Variants in BLVRA observed in about 807,000 individuals in gnomAD.
The protein encoded by BLVRA is BVR A.
Under a neutral mutation model 32.8 loss-of-function variants are expected in BLVRA, and 22 were observed. That is an observed-to-expected ratio of 0.67 (90% CI 0.48 to 0.96). The LOEUF (loss-of-function observed/expected upper bound fraction) is 0.96, where lower values mean the gene tolerates loss of function less well. Ranked by LOEUF, BLVRA falls within the 40% of genes least tolerant of loss-of-function variation. The probability of loss-of-function intolerance (pLI) is 0.00; values close to 1 mark genes in which losing one functional copy is unlikely to be tolerated. For missense variants in BLVRA, 323 were observed against 358.1 expected (o/e 0.90, Z 0.79); for synonymous variants, 119 against 141.3 (o/e 0.84, Z 1.12).
chr7:43,780,976 A>G (rs1430769350), intron 2 of BLVRA, among the ~76,000 whole-genome samples: 1 of 152,158 alleles, frequency 6.6e-6, no homozygotes, highest in Non-Finnish European at 1.5e-5. Context: ...GCGAAACCCC[A>G]TCTCTACTAA....
chr7:43,775,912 T>G (rs1197093777), intron 2 of BLVRA, among the ~76,000 whole-genome samples: 1 of 152,228 alleles, frequency 6.6e-6, no homozygotes, highest in Non-Finnish European at 1.5e-5. Context: ...TTCTAGATTT[T>G]CTAGTTTATT....
At chr7:43,758,383 A>T (rs1465111143), upstream of BLVRA, among the ~76,000 whole-genome samples, 1 of 151,976 alleles carries the variant, frequency 6.6e-6, no homozygotes, top group African/African-American at 2.4e-5. Flanking sequence ...GCACACCGTG[A>T]GGGGGCCCAG....
intron 6 of BLVRA, among the ~76,000 whole-genome samples, chr7:43,801,433 C>T (rs2095798576): frequency 6.6e-6 from 1 of 152,216 alleles, no homozygotes; most frequent in African/African-American, 2.4e-5. Context: ...CCTTCTCTGG[C>T]CGTATCGTTG....
intron 1 of BLVRA, among the ~76,000 whole-genome samples, chr7:43,759,004 C>T (rs530861915): frequency 7.9e-5 from 12 of 152,336 alleles, no homozygotes; most frequent in Non-Finnish European, 1.5e-4. Flanking sequence ...ATTAAGTCTC[C>T]ATTTCGGTTA....
At chr7:43,774,619 C>G (rs868066564) in intron 2 of BLVRA, among the ~76,000 whole-genome samples, 1 of 152,226 alleles carries the variant, frequency 6.6e-6, no homozygotes, top group Non-Finnish European at 1.5e-5. Flanking sequence ...CTTGGCAATG[C>G]GGGCTCTTTT....
chr7:43,784,548 T>G (rs2095774477), intron 2 of BLVRA, among the ~76,000 whole-genome samples: 1 of 151,964 alleles, frequency 6.6e-6, no homozygotes, highest in South Asian at 2.1e-4. Flanking sequence ...AATAAAGTTC[T>G]TCCCCTAAGA....
At chr7:43,779,667 C>G (rs1389423201) in intron 2 of BLVRA, among the ~76,000 whole-genome samples, 2 of 152,126 alleles carry the variant, frequency 1.3e-5, no homozygotes, top group Non-Finnish European at 2.9e-5. Flanking sequence ...GTGGCTTGCT[C>G]TAATTCTTAG....
chr7:43,765,082 G>C (rs1221318577), intron 1 of BLVRA, among the ~76,000 whole-genome samples: 2 of 152,166 alleles, frequency 1.3e-5, no homozygotes, highest in Non-Finnish European at 2.9e-5. Context: ...TTTGCAGACC[G>C]GCTGCAGTAG....
At chr7:43,792,238 A>G (rs1259895399) in intron 4 of BLVRA, among the ~76,000 whole-genome samples, 1 of 152,204 alleles carries the variant, frequency 6.6e-6, no homozygotes, top group Non-Finnish European at 1.5e-5. Context: ...AAGCCCCTGC[A>G]TACGCTGCTC....
chr7:43,775,749 G>A (rs1195579983), intron 2 of BLVRA, among the ~76,000 whole-genome samples: 1 of 152,178 alleles, frequency 6.6e-6, no homozygotes, highest in Admixed American at 6.5e-5. Flanking sequence ...GGTAGAATTT[G>A]GCTGTGAATC....
chr7:43,781,941 A>C (rs992648235), intron 2 of BLVRA, among the ~76,000 whole-genome samples: 2 of 152,176 alleles, frequency 1.3e-5, no homozygotes, highest in African/African-American at 4.8e-5. Flanking sequence ...AATCCCATCC[A>C]TCCAGTTCAA....
chr7:43,768,987 G>T (rs749053635), intron 1 of BLVRA, among the ~76,000 whole-genome samples: 2 of 151,594 alleles, frequency 1.3e-5, no homozygotes, highest in Non-Finnish European at 2.9e-5. Flanking sequence ...AATAGTTTGG[G>T]GAAAAAAGAG....
At chr7:43,760,734 CAG>C (rs1443560367) in intron 1 of BLVRA, among the ~76,000 whole-genome samples, 1 of 148,302 alleles carries the variant, frequency 6.7e-6, no homozygotes, top group Admixed American at 6.7e-5. Context: ...GCCTTTGTGA[CAG>C]GGGAGCTTAG....
chr7:43,774,582 G>A (rs1199745998), intron 2 of BLVRA, among the ~76,000 whole-genome samples: 23 of 152,212 alleles, frequency 1.5e-4, no homozygotes, highest in Non-Finnish European at 2.1e-4. Context: ...TGATGCCTCC[G>A]GCTTTGTTCT....
Position 43,788,019 on chromosome 7 carries a change from T to G in BLVRA, c.128T>G (p.Val43Gly), listed in dbSNP as rs1246342118. 2.5e-6 allele frequency: 4 copies of G among 1,614,174 alleles called. No homozygotes were observed. Among genetic ancestry groups the G allele is most frequent in the Non-Finnish European group, 3.4e-6 (4 of 1,180,028 alleles). ...GCGTTCCTGAACCTGATTGGCTTCG[T>G]GTCGAGGTGGCTCACAATGTCTTTG... is the stretch of plus-strand genomic sequence containing the variant. ...SSAFLNLIGF[V>G]SRRELGSIDG... The change falls in exon 3 of 8, where the codon GTG becomes GGG. Residue 43 changes from valine to glycine, a missense_variant. Transcript: ENST00000265523.
At chr7:43,761,412 T>C (rs1226929334) in intron 1 of BLVRA, among the ~76,000 whole-genome samples, 6 of 152,252 alleles carry the variant, frequency 3.9e-5, no homozygotes, top group Non-Finnish European at 5.9e-5. Flanking sequence ...TTAATTAATT[T>C]ATATTCCAAT....
At chr7:43,772,245 G>A (rs2095755394) in intron 2 of BLVRA, among the ~76,000 whole-genome samples, 1 of 152,264 alleles carries the variant, frequency 6.6e-6, no homozygotes, top group African/African-American at 2.4e-5. Context: ...AGGTGCCCAT[G>A]TGGCAGCAAG....
At chr7:43,760,678 G>T (rs774292650) in intron 1 of BLVRA, among the ~76,000 whole-genome samples, 5 of 151,242 alleles carry the variant, frequency 3.3e-5, no homozygotes, top group Admixed American at 1.3e-4. Context: ...TTAATGGACA[G>T]TGTATACCTT....
intron 1 of BLVRA, among the ~76,000 whole-genome samples, chr7:43,763,521 C>T (rs2095744644): frequency 6.6e-6 from 1 of 152,102 alleles, no homozygotes; most frequent in South Asian, 2.1e-4. Flanking sequence ...CGCTCTACTT[C>T]TTAGGGATAT....
Sources: allele counts gnomAD v4.1 joint callset (sites outside exome capture counted in the v4.1 genomes callset), GRCh38; gene constraint gnomAD v4.1.1; transcripts MANE v1.5; gene names NCBI Gene and HGNC (gene_info 2026-07-23, HGNC 2026-07-21).